The following GULP1 variants were observed in gnomAD, a reference collection of about 807,000 sequenced individuals.
GULP1 encodes PTB domain-containing engulfment adapter protein 1.
A neutral mutation model predicts 40.9 loss-of-function variants in GULP1; 19 were observed. That is an observed-to-expected ratio of 0.46 (90% CI 0.32 to 0.68). The LOEUF (loss-of-function observed/expected upper bound fraction) is 0.68. Ranked by LOEUF, GULP1 falls within the 30% of genes least tolerant of loss-of-function variation. The pLI, the probability that GULP1 is intolerant of heterozygous loss-of-function variation, is 0.03. For synonymous variants in GULP1, 119 were observed against 117.6 expected, an observed-to-expected ratio of 1.01 and a Z score of -0.08; for missense variants, 312 against 362.2, an observed-to-expected ratio of 0.86 and a Z score of 1.12.
intron 1 of GULP1, among the ~76,000 whole-genome samples, chr2:188,316,742 A>G (rs1019469790): frequency 1.3e-5 from 2 of 152,174 alleles, no homozygotes; most frequent in African/African-American, 4.8e-5. Context: ...AATATACTAT[A>G]TCATGTAATA....
intron 1 of GULP1, among the ~76,000 whole-genome samples, chr2:188,302,114 T>C (rs1283584733): frequency 6.6e-6 from 1 of 152,178 alleles, no homozygotes; most frequent in African/African-American, 2.4e-5. Flanking sequence ...GAAGAAACTT[T>C]ACAGACTACT....
intron 7 of GULP1, among the ~76,000 whole-genome samples, chr2:188,562,007 C>T (rs1696430820): frequency 6.6e-6 from 1 of 152,200 alleles, no homozygotes; most frequent in Non-Finnish European, 1.5e-5. Context: ...TCAGCCCCAC[C>T]CGTGGGAGCT....
At chr2:188,358,390 TTAGA>T (rs1465422124) in intron 1 of GULP1, among the ~76,000 whole-genome samples, 4 of 151,964 alleles carry the variant, frequency 2.6e-5, no homozygotes, top group Non-Finnish European at 4.4e-5. Flanking sequence ...AAATTAACAG[TTAGA>T]TAGAAGGAAA....
chr2:188,388,862 A>G (rs2050144418), intron 2 of GULP1, among the ~76,000 whole-genome samples: 1 of 152,216 alleles, frequency 6.6e-6, no homozygotes, highest in Non-Finnish European at 1.5e-5. Flanking sequence ...GTGAGTAATA[A>G]TTATGTTGGC....
Position 188,595,141 on chromosome 2 carries a change from G to A in GULP1, c.*1130G>A, listed in dbSNP as rs937608638. ...AATTCTCTTGCATTTCATTATTGAT[G>A]TGCTGATGAACCTGGACTTTTAAAA... On this transcript the variant is annotated 3_prime_UTR_variant, in exon 12 of 12. Coordinates refer to ENST00000409830, the MANE Select transcript of GULP1 (RefSeq NM_016315.4). 1.3e-5 allele frequency: 2 copies of A among 149,450 alleles called. No homozygotes were observed. The highest frequency in any genetic ancestry group is 3.0e-5 in the Non-Finnish European group (2 of 67,438). The allele number at this position is 149,450 out of a possible 1,614,324, so 9.3% of individuals were successfully genotyped here.
intron 7 of GULP1, among the ~76,000 whole-genome samples, chr2:188,545,358 A>G (rs960387652): frequency 4.0e-5 from 6 of 151,870 alleles, no homozygotes; most frequent in Non-Finnish European, 7.4e-5. Context: ...GTTTGATAGT[A>G]GAAGAAAAAA....
At chr2:188,462,542 A>T (rs1412518690) in intron 2 of GULP1, among the ~76,000 whole-genome samples, 1 of 152,086 alleles carries the variant, frequency 6.6e-6, no homozygotes, top group African/African-American at 2.4e-5. Flanking sequence ...CTATTATTGG[A>T]TTGGAGTCTA....
chr2:188,439,165 C>G (rs2057703088), intron 2 of GULP1, among the ~76,000 whole-genome samples: 1 of 151,790 alleles, frequency 6.6e-6, no homozygotes, highest in South Asian at 2.1e-4. Context: ...TCTCAACATT[C>G]CAGAGAAAAG....
chr2:188,293,730 A>C (rs926056130), intron 1 of GULP1: 1 of 152,208 alleles, frequency 6.6e-6, no homozygotes, highest in African/African-American at 2.4e-5. Context: ...TGCATAATTA[A>C]AGGTCTCCTT....
chr2:188,439,268 C>A (rs532249886), intron 2 of GULP1, among the ~76,000 whole-genome samples: 1 of 151,174 alleles, frequency 6.6e-6, no homozygotes, highest in Non-Finnish European at 1.5e-5. Context: ...AATGAAGAAA[C>A]CTTAAAGAAC....
chr2:188,413,299 A>G (rs1464486721), intron 2 of GULP1, among the ~76,000 whole-genome samples: 6 of 152,068 alleles, frequency 3.9e-5, no homozygotes, highest in Non-Finnish European at 8.8e-5. Context: ...ACTAGTTTAC[A>G]CTCCCAACAG....
At chr2:188,365,672 C>G (rs994813443) in intron 1 of GULP1, among the ~76,000 whole-genome samples, 24 of 152,082 alleles carry the variant, frequency 1.6e-4, no homozygotes, top group African/African-American at 5.8e-4. Flanking sequence ...GGTAGGATGT[C>G]AAGAAAGGCA....
At chr2:188,304,580 A>G (rs532440086) in intron 1 of GULP1, among the ~76,000 whole-genome samples, 5 of 152,308 alleles carry the variant, frequency 3.3e-5, no homozygotes, top group South Asian at 2.1e-4. Context: ...TTGAATGCCA[A>G]CTGGACAGTT....
At chr2:188,503,974 A>G (rs1163678038) in intron 4 of GULP1, among the ~76,000 whole-genome samples, 2 of 151,912 alleles carry the variant, frequency 1.3e-5, no homozygotes, top group Non-Finnish European at 2.9e-5. Flanking sequence ...TTAGTAAAAT[A>G]AAGCCTTGAC....
At chr2:188,489,386 T>C (rs1303524672) in intron 4 of GULP1, among the ~76,000 whole-genome samples, 3 of 152,032 alleles carry the variant, frequency 2.0e-5, no homozygotes, top group African/African-American at 7.2e-5. Flanking sequence ...AAGAGCTCAA[T>C]TGCATTTCCA....
rs574292124 is a variant in GULP1 at position 188,453,436 on chromosome 2, A to G, written c.-44-24223A>G. On this transcript the variant is annotated intron_variant, in intron 2 of 11. Coordinates refer to ENST00000409830, the MANE Select transcript of GULP1 (RefSeq NM_016315.4). ...TACATGATTGTCTTCATAGTAACTC[A>G]TTATATGTGCCCTCTTGTAGGACCT... Among the ~76,000 whole-genome samples, 31 of 152,206 alleles carry G rather than the reference A, an allele frequency of 2.0e-4. No homozygotes were observed. In the Middle Eastern group the frequency reaches 0.014, roughly 67 times the overall value.
chr2:188,442,997 G>A (rs1023485727), intron 2 of GULP1, among the ~76,000 whole-genome samples: 2 of 152,184 alleles, frequency 1.3e-5, no homozygotes, highest in East Asian at 3.9e-4. Context: ...TGAAAATTCA[G>A]GTGCCTTATG....
At chr2:188,471,146 A>G (rs2060556036) in intron 2 of GULP1, among the ~76,000 whole-genome samples, 1 of 152,050 alleles carries the variant, frequency 6.6e-6, no homozygotes, top group South Asian at 2.1e-4. Flanking sequence ...CTTGAAATCT[A>G]TTTTATCTGA....
chr2:188,410,780 C>T (rs769735486), intron 2 of GULP1, among the ~76,000 whole-genome samples: 4 of 152,116 alleles, frequency 2.6e-5, no homozygotes, highest in Non-Finnish European at 2.9e-5. Context: ...TGTGGGAGTT[C>T]ACTCAGGCTG....
Sources: gnomAD v4.1 joint callset for allele counts (sites outside exome capture counted in the v4.1 genomes callset) on GRCh38, gnomAD v4.1.1 for gene constraint, MANE v1.5 for transcripts, NCBI Gene and HGNC (gene_info 2026-07-23, HGNC 2026-07-21) for gene names.